Variants in RIMS1 observed in about 807,000 individuals in gnomAD.
RIMS1 encodes regulating synaptic membrane exocytosis 1.
RIMS1 carries 83 observed loss-of-function variants against 214.1 expected under a neutral mutation model. The observed-to-expected ratio is 0.39, with a 90% CI of 0.32 to 0.47. The LOEUF (loss-of-function observed/expected upper bound fraction) is 0.47. Among genes scored for constraint, RIMS1 ranks in the 20% least tolerant of loss-of-function variants. RIMS1 has a pLI of 0.99. For missense variants in RIMS1, 2,050 were observed against 2,161.8 expected, an observed-to-expected ratio of 0.95 and a Z score of 1.03; for synonymous variants, 793 against 786.8, an observed-to-expected ratio of 1.01 and a Z score of -0.13.
At chr6:71,925,205 T>C (rs1182022376) in intron 1 of RIMS1, among the ~76,000 whole-genome samples, 1 of 152,232 alleles carries the variant, frequency 6.6e-6, no homozygotes, top group Non-Finnish European at 1.5e-5. Context: ...TTTTGAACAA[T>C]TGGATTTGTC....
At chr6:72,298,620 G>C (rs992263870) in intron 26 of RIMS1, among the ~76,000 whole-genome samples, 3 of 152,072 alleles carry the variant, frequency 2.0e-5, no homozygotes, top group Admixed American at 6.6e-5. Context: ...AGTGAAAGAG[G>C]TTAAGTTGAA....
intron 28 of RIMS1, among the ~76,000 whole-genome samples, chr6:72,325,342 G>A (rs1474656575): frequency 1.3e-5 from 2 of 151,518 alleles, no homozygotes; most frequent in Non-Finnish European, 3.0e-5. Context: ...ATGTGATTAT[G>A]CATATAGGAA....
chr6:72,100,774 A>G (rs1293190222), intron 4 of RIMS1, among the ~76,000 whole-genome samples: 2 of 145,856 alleles, frequency 1.4e-5, no homozygotes, highest in Non-Finnish European at 1.5e-5. Flanking sequence ...CAGGTTTAAT[A>G]TATCAACTGA....
intron 4 of RIMS1, among the ~76,000 whole-genome samples, chr6:72,115,163 C>T (rs2036835191): frequency 6.6e-6 from 1 of 151,868 alleles, no homozygotes; most frequent in South Asian, 2.1e-4. Flanking sequence ...GAATGTATTG[C>T]TTAAATTCAT....
chr6:71,949,329 T>G (rs1788761391), intron 1 of RIMS1, among the ~76,000 whole-genome samples: 1 of 152,252 alleles, frequency 6.6e-6, no homozygotes, highest in Non-Finnish European at 1.5e-5. Flanking sequence ...ATGATTATCT[T>G]TTTCTCTTCT....
intron 6 of RIMS1, among the ~76,000 whole-genome samples, chr6:72,208,663 G>T (rs1156328107): frequency 1.3e-5 from 2 of 152,184 alleles, no homozygotes; most frequent in Non-Finnish European, 2.9e-5. Flanking sequence ...TAATGTGTAA[G>T]ATCAGTCAGA....
At chr6:72,054,109 GT>G (rs1471144708) in intron 2 of RIMS1, among the ~76,000 whole-genome samples, 6 of 151,408 alleles carry the variant, frequency 4.0e-5, no homozygotes, top group Non-Finnish European at 5.9e-5. Context: ...CCTGGTATGT[GT>G]TGTTCCCCTC....
chr6:72,294,182 CTTTG>C (rs1219303901), intron 26 of RIMS1, among the ~76,000 whole-genome samples: 1 of 151,558 alleles, frequency 6.6e-6, no homozygotes, highest in Non-Finnish European at 1.5e-5. Context: ...CACATGACAG[CTTTG>C]TTTGTCCTAA....
intron 28 of RIMS1, chr6:72,316,991 C>T (rs2095839137): frequency 1.8e-6 from 1 of 552,180 alleles, no homozygotes; most frequent in Non-Finnish European, 3.5e-6. Context: ...CCAGTGGCTC[C>T]CTGCTGGGAA....
At chr6:72,042,822 G>C (rs889189431) in intron 2 of RIMS1, among the ~76,000 whole-genome samples, 1 of 151,572 alleles carries the variant, frequency 6.6e-6, no homozygotes, top group Non-Finnish European at 1.5e-5. Context: ...CTTAAAAATG[G>C]GTCCCCAGAT....
chr6:72,267,983 G>A (rs1204994519), intron 22 of RIMS1, among the ~76,000 whole-genome samples: 1 of 152,098 alleles, frequency 6.6e-6, no homozygotes, highest in Non-Finnish European at 1.5e-5. Flanking sequence ...GGTATTATCA[G>A]TGATCCTAAG....
chr6:72,392,628 GA>G, intron 30 of RIMS1, 69 bp from the exon 31 acceptor site: 4 of 1,031,286 alleles, frequency 3.9e-6, no homozygotes. Flanking sequence ...TAGTCAAGTG[GA>G]AACTAGTGAA....
chr6:72,014,230 A>G (rs1442683043), intron 2 of RIMS1, among the ~76,000 whole-genome samples: 2 of 152,200 alleles, frequency 1.3e-5, no homozygotes, highest in African/African-American at 2.4e-5. Context: ...AAACCATTAG[A>G]TCTTGTGAGA....
chr6:72,370,938 G>GT (rs910820518), intron 29 of RIMS1, among the ~76,000 whole-genome samples: 4 of 152,174 alleles, frequency 2.6e-5, no homozygotes, highest in African/African-American at 9.7e-5. Flanking sequence ...TTGGGAGGAA[G>GT]TATGGGAGAA....
chr6:72,244,273 C>A (rs1394491832), intron 10 of RIMS1, among the ~76,000 whole-genome samples: 1 of 151,788 alleles, frequency 6.6e-6, no homozygotes, highest in Non-Finnish European at 1.5e-5. Flanking sequence ...TACTACCTAA[C>A]TGGTAAATAG....
chr6:72,064,193 C>G (rs1452026095), intron 2 of RIMS1, among the ~76,000 whole-genome samples: 8 of 152,152 alleles, frequency 5.3e-5, no homozygotes, highest in Admixed American at 2.6e-4. Flanking sequence ...CAGCAGGCGC[C>G]TGTAATCCCA....
intron 2 of RIMS1, among the ~76,000 whole-genome samples, chr6:71,996,227 A>AT (rs1803385331): frequency 1.3e-5 from 2 of 152,176 alleles, no homozygotes; most frequent in South Asian, 4.1e-4. Flanking sequence ...AGCCTCAAAC[A>AT]TTTTGTCTAT....
At chr6:72,217,070 T>C in intron 6 of RIMS1, 4 of 1,491,084 alleles carry the variant, frequency 2.7e-6, no homozygotes, top group Non-Finnish European at 3.6e-6. Context: ...GGGAATTTTA[T>C]TTAAAATGTT....
At chr6:72,216,858 A>G in intron 6 of RIMS1, 1 of 1,025,578 alleles carries the variant, frequency 9.8e-7, no homozygotes, top group Non-Finnish European at 1.2e-6. Context: ...AGGAGCTAAA[A>G]GAGCTTTAGT....
Sources: allele counts gnomAD v4.1 joint callset (sites outside exome capture counted in the v4.1 genomes callset), GRCh38; gene constraint gnomAD v4.1.1; transcripts MANE v1.5; gene names NCBI Gene and HGNC (gene_info 2026-07-23, HGNC 2026-07-21).